MDM2: variants seen among roughly 807,000 people sequenced by gnomAD.
The protein encoded by MDM2 is MDM2 proto-oncogene.
Under a neutral mutation model 64.3 loss-of-function variants are expected in MDM2, and 11 were observed. The ratio of observed to expected loss-of-function variants is 0.17; its 90% CI spans 0.11 to 0.28. The LOEUF is 0.28. Ranked by LOEUF, MDM2 falls within the 10% of genes least tolerant of loss-of-function variation. MDM2 has a pLI of 1.00. For missense variants in MDM2, 388 were observed against 577.1 expected (o/e 0.67, Z 3.36); for synonymous variants, 194 against 192.9 (o/e 1.01, Z -0.05).
Position 68,845,456 on chromosome 12 carries a change from TATTC to T in MDM2, c.*5610_*5613del, listed in dbSNP as rs1884215206. 2 of 207,766 alleles carry T rather than the reference TATTC, an allele frequency of 9.6e-6. No individual in the cohort carries two copies. The highest frequency in any genetic ancestry group is 5.9e-5 in the Admixed American group (1 of 16,828). The allele number at this position is 207,766 out of a possible 1,614,324, so 12.9% of individuals were successfully genotyped here. ...CAGATGGGAGGCGTGTTCAGTAACT[TATTC>T]ATAATGCATCTGAAATGATTGCTGT... is the stretch of plus-strand genomic sequence containing the variant. On this transcript the variant is annotated 3_prime_UTR_variant, in exon 11 of 11. Transcript: ENST00000258149.
rs193222947 is a variant in MDM2, at chr12:68,811,967, C to T, written c.100-1587C>T. Among the ~76,000 whole-genome samples the T allele has an allele frequency of 3.0e-3, 458 of 151,346 alleles. 2 individuals carry two copies. The highest frequency in any genetic ancestry group is 0.01 in the African/African-American group (421 of 41,186). On this transcript the variant is annotated intron_variant, in intron 2 of 10. Coordinates refer to ENST00000258149, the MANE Select transcript of MDM2 (RefSeq NM_002392.6). ...CACTGTGTTGGCCAGGCTGGTCTCA[C>T]ACTCCTGACCTCAGGTGATCTGCCT...
rs900997479 is a variant in MDM2 at position 68,843,280 on chromosome 12, C to G, written c.*3431C>G. 2.2e-5 allele frequency: 5 copies of G among 226,662 alleles called. No homozygotes were observed. The highest frequency in any genetic ancestry group is 4.3e-5 in the Non-Finnish European group (5 of 115,112). The allele number at this position is 226,662 out of a possible 1,614,324, so 14.0% of individuals were successfully genotyped here. A position where few individuals can be genotyped will look rare whatever the true frequency, so the allele number is the denominator to read the frequency against. On this transcript the variant is annotated 3_prime_UTR_variant, in exon 11 of 11. Coordinates refer to ENST00000258149, the MANE Select transcript of MDM2 (RefSeq NM_002392.6). ...ACCTCCAAAGGTAAAAGTACTAATC[C>G]CTTTGGCCATTTATTGAGAGAGAGA... is the stretch of plus-strand genomic sequence containing the variant.
chr12:68,847,196 T>TTTTATATATATATATATATATATATATA (rs1884365281), downstream of MDM2: 28 of 92,052 alleles, frequency 3.0e-4, no homozygotes, highest in Non-Finnish European at 4.6e-4. Context: ...TGTGTGTACA[T>TTTTATATATATATATATATATATATATA]TATATATATA....
rs374466878 is a variant in MDM2 at position 68,839,576 on chromosome 12, T to C, written c.1221T>C (p.Ser407=). The change falls in exon 11 of 11, where the codon AGT becomes AGC. Residue 407 remains serine (S), a synonymous_variant. Transcript: ENST00000258149. The part of the protein sequence containing the change: ...SEDYSQPSTS[S]SIIYSSQEDV... ...ACTATTCTCAGCCATCAACTTCTAG[T>C]AGCATTATTTATAGCAGCCAAGAAG... 1.1e-5 allele frequency: 18 copies of C among 1,613,712 alleles called. No individual in the cohort carries two copies. Among genetic ancestry groups the C allele is most frequent in the Non-Finnish European group, 1.5e-5 (18 of 1,180,010 alleles).
intron 7 of MDM2, 187 bp downstream of exon 7, chr12:68,824,838 T>C (rs964996403): frequency 3.5e-6 from 2 of 565,428 alleles, no homozygotes; most frequent in African/African-American, 3.8e-5. Flanking sequence ...TTTTTCTGGC[T>C]GACTACAGCA....
chr12:68,828,416 A>C (rs1882512764), intron 7 of MDM2: 2 of 169,912 alleles, frequency 1.2e-5, no homozygotes, highest in Admixed American at 1.1e-4. Flanking sequence ...AAAAAATACA[A>C]AATGGTGCAT....
At chr12:68,808,933 A>G (rs1565730348) in intron 1 of MDM2, 4 of 1,375,942 alleles carry the variant, frequency 2.9e-6, no homozygotes, top group East Asian at 2.8e-5. Context: ...GGTCAAGTTC[A>G]GACACGTTCC....
In MDM2 at chr12:68,835,591, T is replaced by G. The variant is rs1883237457; in HGVS notation, c.685-238T>G. ...CCTTGAAACCTTAATCTAGTTTCAG[T>G]ATGCAGGATGGATCTGAGGAGGAAA... On this transcript the variant is annotated intron_variant, in intron 8 of 10. Coordinates refer to ENST00000258149, the MANE Select transcript of MDM2 (RefSeq NM_002392.6). 2.6e-5 allele frequency among the ~76,000 whole-genome samples: 4 copies of G among 152,178 alleles called. 1 individual carries two copies. The South Asian group carries it at 8.3e-4, about 32-fold the overall frequency.
intron 8 of MDM2, among the ~76,000 whole-genome samples, chr12:68,834,168 C>T (rs980154104): frequency 6.6e-6 from 1 of 152,098 alleles, no homozygotes; most frequent in East Asian, 1.9e-4. Flanking sequence ...ATGGGCTGGG[C>T]GAGGTGGCTC....
chr12:68,815,630 A>G (rs1203441887), intron 3 of MDM2: 6 of 415,458 alleles, frequency 1.4e-5, no homozygotes, highest in African/African-American at 4.2e-5. Context: ...TTTTGTAGAG[A>G]TGGAGTTTCA....
intron 4 of MDM2, among the ~76,000 whole-genome samples, chr12:68,819,508 T>G (rs565101533): frequency 2.6e-5 from 4 of 152,330 alleles, no homozygotes; most frequent in Admixed American, 2.6e-4. Context: ...TTTTCTTCCC[T>G]GAGTCGGAGT....
intron 7 of MDM2, among the ~76,000 whole-genome samples, chr12:68,825,883 A>G (rs1376011063): frequency 6.6e-6 from 1 of 152,254 alleles, no homozygotes; most frequent in African/African-American, 2.4e-5. Context: ...AGGTGGAACT[A>G]GAACAAATGG....
In MDM2 at chr12:68,843,820, C is replaced by G. The variant is rs559295677; in HGVS notation, c.*3971C>G. The G allele has an allele frequency of 9.1e-6, 2 of 219,136 alleles. No homozygotes were observed. The highest frequency in any genetic ancestry group is 3.7e-4 in the South Asian group (2 of 5,386). The allele number at this position is 219,136 out of a possible 1,614,324, so 13.6% of individuals were successfully genotyped here. A position where few individuals can be genotyped will look rare whatever the true frequency, so the allele number is the denominator to read the frequency against. ...CTTCAGCTACAACCAAGCAGAATCT[C>G]TTTTTTTTGGAGGTCCTCGAAGCAT... On this transcript the variant is annotated 3_prime_UTR_variant, in exon 11 of 11. Coordinates refer to ENST00000258149, the MANE Select transcript of MDM2 (RefSeq NM_002392.6).
At chr12:68,813,702 G>T (rs1881113932) in intron 3 of MDM2, 74 bp downstream of exon 3, 1 of 1,043,854 alleles carries the variant, frequency 9.6e-7, no homozygotes, top group South Asian at 1.5e-5. Flanking sequence ...AAGACCATGT[G>T]GAGAAATTGG....
At chr12:68,849,091 C>CA (rs1884523158), downstream of MDM2, 1 of 140,370 alleles carries the variant, frequency 7.1e-6, no homozygotes, top group Admixed American at 6.9e-5. Flanking sequence ...TAACGGTAGA[C>CA]CCTTTTTTTT....
At chr12:68,848,532 T>C (rs1884484278), downstream of MDM2, 1 of 152,136 alleles carries the variant, frequency 6.6e-6, no homozygotes, top group African/African-American at 2.4e-5. Flanking sequence ...AAAAGAAGCA[T>C]TCTAAGAAAA....
chr12:68,816,183 T>C (rs528515859), intron 3 of MDM2, among the ~76,000 whole-genome samples: 1 of 152,238 alleles, frequency 6.6e-6, no homozygotes, highest in African/African-American at 2.4e-5. Flanking sequence ...CTGCAACTTT[T>C]TTGGCTATCA....
chr12:68,842,400 C>A lies in MDM2; in HGVS notation c.*2551C>A, dbSNP rs1235207403. 8.2e-6 allele frequency: 4 copies of A among 486,536 alleles called. No individual in the cohort carries two copies. The highest frequency in any genetic ancestry group is 1.6e-5 in the Non-Finnish European group (4 of 245,600). The allele number at this position is 486,536 out of a possible 1,614,324, so 30.1% of individuals were successfully genotyped here. A position where few individuals can be genotyped will look rare whatever the true frequency, so the allele number is the denominator to read the frequency against. On this transcript the variant is annotated 3_prime_UTR_variant, in exon 11 of 11. Coordinates refer to ENST00000258149, the MANE Select transcript of MDM2 (RefSeq NM_002392.6). ...AGAGGTTTCCTAAAAATCTCATTAT[C>A]TATAACCATTTCTATATTTACATTT...
chr12:68,828,817 C>G lies in MDM2; in HGVS notation c.570C>G (p.His190Gln). Residue 190 changes from histidine (H) to glutamine (Q), a missense_variant, in exon 8 of 11, where the codon CAC becomes CAG. By Grantham distance (24) the His-to-Gln change is conservative. Coordinates refer to ENST00000258149, the MANE Select transcript of MDM2 (RefSeq NM_002392.6). Reference sequence around the variant, plus strand: ...CTGGTGAACGACAAAGAAAACGCCACAAATCTGATAGTATTTCCCTTTCCT... The same window carrying G: ...CTGGTGAACGACAAAGAAAACGCCAGAAATCTGATAGTATTTCCCTTTCCT... Reference protein sequence around the residue: ...ELSGERQRKRHKSDSISLSFD... With the variant: ...ELSGERQRKRQKSDSISLSFD... The G allele has an allele frequency of 6.2e-7, 1 of 1,613,942 alleles. No individual in the cohort carries two copies. The highest frequency in any genetic ancestry group is 2.2e-5 in the East Asian group (1 of 44,850).
Sources: allele counts gnomAD v4.1 joint callset (sites outside exome capture counted in the v4.1 genomes callset), GRCh38; gene constraint gnomAD v4.1.1; transcripts MANE v1.5; gene names NCBI Gene and HGNC (gene_info 2026-07-23, HGNC 2026-07-21).